ITGA9: variants seen among roughly 807,000 people sequenced by gnomAD.
The protein encoded by ITGA9 is integrin subunit alpha 9.
ITGA9 carries 56 observed loss-of-function variants against 127.8 expected under a neutral mutation model. The observed-to-expected ratio is 0.44, with a 90% CI of 0.35 to 0.55. The LOEUF is 0.55. Ranked by LOEUF, ITGA9 falls within the 20% of genes least tolerant of loss-of-function variation. ITGA9 has a pLI of 0.00. For synonymous variants in ITGA9, 508 were observed against 514.5 expected (o/e 0.99, Z 0.17); for missense variants, 1,196 against 1,347.1 (o/e 0.89, Z 1.76).
At chr3:37,758,799 A>T (rs1009727357) in intron 23 of ITGA9, among the ~76,000 whole-genome samples, 34 of 152,304 alleles carry the variant, frequency 2.2e-4, no homozygotes, top group African/African-American at 8.2e-4. Flanking sequence ...CTCCCTAAAA[A>T]AATCCAAGAG....
At chr3:37,679,855 C>A (rs1700718311) in intron 17 of ITGA9, among the ~76,000 whole-genome samples, 1 of 152,172 alleles carries the variant, frequency 6.6e-6, no homozygotes, top group African/African-American at 2.4e-5. Flanking sequence ...AAGGGTCCTA[C>A]CCCTGATGTT....
At chr3:37,522,420 A>G (rs958383578) in intron 11 of ITGA9, among the ~76,000 whole-genome samples, 1 of 152,204 alleles carries the variant, frequency 6.6e-6, no homozygotes, top group East Asian at 1.9e-4. Flanking sequence ...TGGATATGTG[A>G]TGAACTTAAT....
At chr3:37,596,269 AGAAAGG>A (rs879593316) in intron 15 of ITGA9, among the ~76,000 whole-genome samples, 67,305 of 151,698 alleles carry the variant, frequency 0.44, 15,439 homozygotes, top group East Asian at 0.6. Context: ...ACTTGAAAAG[AGAAAGG>A]CTACAACTCA....
chr3:37,680,157 C>T (rs982808893), intron 17 of ITGA9, among the ~76,000 whole-genome samples: 4 of 152,132 alleles, frequency 2.6e-5, no homozygotes, highest in African/African-American at 9.7e-5. Context: ...ATCTCAATTT[C>T]CTCATCTCTC....
At position 37,473,357 on chromosome 3, in the gene ITGA9, A is replaced by C. The variant is rs1466063441; in HGVS notation, c.317A>C (p.Lys106Thr). 1 of 1,613,596 alleles carries C rather than the reference A, an allele frequency of 6.2e-7. No individual in the cohort carries two copies. The highest frequency in any genetic ancestry group is 2.2e-5 in the East Asian group (1 of 44,882). The change falls in exon 3 of 28, where the codon AAG (lysine) becomes ACG (threonine). Residue 106 changes from lysine to threonine, a missense_variant. Lys to Thr is a moderately conservative substitution (Grantham distance 78). Transcript: ENST00000264741. ...RCTELDMARG[K>T]NRGTSCGKTC... ...GGCTCTTCTCCTCTTTCTCCAGGGA[A>C]GAATCGGGGCACGTCCTGCGGAAAG...
intron 25 of ITGA9, 23 bp downstream of exon 25, chr3:37,780,044 T>G: frequency 1.9e-6 from 3 of 1,613,152 alleles, no homozygotes; most frequent in Non-Finnish European, 2.5e-6. Context: ...GAACCGCACT[T>G]GTGGATGCAT....
At chr3:37,591,176 G>C (rs1699814141) in intron 15 of ITGA9, among the ~76,000 whole-genome samples, 1 of 152,208 alleles carries the variant, frequency 6.6e-6, no homozygotes, top group Non-Finnish European at 1.5e-5. Context: ...TGTGATCTGG[G>C]AAGGATCCCT....
At chr3:37,684,739 G>A (rs544960967) in intron 18 of ITGA9, among the ~76,000 whole-genome samples, 31 of 152,326 alleles carry the variant, frequency 2.0e-4, no homozygotes, top group Admixed American at 2.0e-3. Context: ...AAAGTGCTGG[G>A]ATTACAGGTG....
In ITGA9 at chr3:37,654,190, CCACACACACACACACACACA is replaced by C. The variant is rs67516814; in HGVS notation, c.1916+422_1916+441del. On this transcript the variant is annotated intron_variant, in intron 17 of 27. Coordinates refer to ENST00000264741, the MANE Select transcript of ITGA9 (RefSeq NM_002207.3). ...AATAAAGGTTTATGCCCTCCTGCCT[CCACACACACACACACACACA>C]CACACACACACACACACACACTAGT... 9.6e-5 allele frequency among the ~76,000 whole-genome samples: 14 copies of C among 146,404 alleles called. No individual in the cohort carries two copies. The East Asian group carries it at 2.8e-3, about 29-fold the overall frequency.
intron 6 of ITGA9, among the ~76,000 whole-genome samples, chr3:37,504,872 T>C (rs1176171096): frequency 1.3e-5 from 2 of 152,192 alleles, no homozygotes. Flanking sequence ...ACAATCACTT[T>C]AGGGTTAGAG....
chr3:37,588,241 C>T (rs1699777986), intron 15 of ITGA9, among the ~76,000 whole-genome samples: 1 of 152,148 alleles, frequency 6.6e-6, no homozygotes, highest in Non-Finnish European at 1.5e-5. Flanking sequence ...CTTGGAAGCC[C>T]TAGGTTGAAT....
At chr3:37,537,685 G>A (rs1699223627) in intron 14 of ITGA9, among the ~76,000 whole-genome samples, 1 of 152,130 alleles carries the variant, frequency 6.6e-6, no homozygotes, top group Non-Finnish European at 1.5e-5. Flanking sequence ...GCAGGCAGAC[G>A]GGACAAAAAC....
intron 18 of ITGA9, among the ~76,000 whole-genome samples, chr3:37,690,514 G>A (rs1700821256): frequency 6.6e-6 from 1 of 152,184 alleles, no homozygotes; most frequent in Non-Finnish European, 1.5e-5. Flanking sequence ...AAAACTCAAG[G>A]GGCTGGGGTT....
At chr3:37,748,489 T>A in intron 22 of ITGA9, 1 of 544,242 alleles carries the variant, frequency 1.8e-6, no homozygotes, top group Non-Finnish European at 3.4e-6. Flanking sequence ...AGCTCACGCC[T>A]GTAATCCTAA....
intron 16 of ITGA9, among the ~76,000 whole-genome samples, chr3:37,653,496 A>G (rs1351529086): frequency 3.3e-5 from 5 of 152,154 alleles, no homozygotes; most frequent in Non-Finnish European, 5.9e-5. Context: ...CAAATAAGTA[A>G]TGCACTGACA....
chr3:37,539,211 T>A (rs1699242654), intron 14 of ITGA9, among the ~76,000 whole-genome samples: 1 of 152,208 alleles, frequency 6.6e-6, no homozygotes, highest in African/African-American at 2.4e-5. Context: ...TTGAATTTAT[T>A]TGCTTTTCCT....
At chr3:37,595,842 G>GTTTGTCTCCCTCTGTGCC (rs1430588605) in intron 15 of ITGA9, among the ~76,000 whole-genome samples, 1 of 152,212 alleles carries the variant, frequency 6.6e-6, no homozygotes, top group African/African-American at 2.4e-5. Flanking sequence ...GACCTTGTGT[G>GTTTGTCTCCCTCTGTGCC]TTTGTCTCCC....
chr3:37,707,980 GT>G (rs1559574251), intron 18 of ITGA9, among the ~76,000 whole-genome samples: 1 of 152,152 alleles, frequency 6.6e-6, no homozygotes, highest in Non-Finnish European at 1.5e-5. Context: ...GCTCAAAGGT[GT>G]TCCCATTTGT....
chr3:37,818,696 G>A, intron 27 of ITGA9, 195 bp from the exon 28 acceptor site: 1 of 626,440 alleles, frequency 1.6e-6, no homozygotes, highest in East Asian at 2.8e-5. Context: ...TCACCCGCAG[G>A]AAGTCCATGC....
Sources: gnomAD v4.1 joint callset for allele counts (sites outside exome capture counted in the v4.1 genomes callset) on GRCh38, gnomAD v4.1.1 for gene constraint, MANE v1.5 for transcripts, NCBI Gene and HGNC (gene_info 2026-07-23, HGNC 2026-07-21) for gene names.